STARD13: variants seen among roughly 807,000 people sequenced by gnomAD.
STARD13 encodes the protein stAR-related lipid transfer protein 13.
A neutral mutation model predicts 106.4 loss-of-function variants in STARD13; 62 were observed. That is an observed-to-expected ratio of 0.58 (90% CI 0.48 to 0.72). The LOEUF is 0.72. STARD13 is among the 30% of genes least tolerant of loss of function. The pLI, the probability that STARD13 is intolerant of heterozygous loss-of-function variation, is 0.00. For missense variants in STARD13, 1,387 were observed against 1,424.0 expected, an observed-to-expected ratio of 0.97 and a Z score of 0.42; for synonymous variants, 565 against 553.0, an observed-to-expected ratio of 1.02 and a Z score of -0.31.
intron 3 of STARD13, among the ~76,000 whole-genome samples, chr13:33,153,749 A>G (rs1205706738): frequency 6.6e-6 from 1 of 152,244 alleles, no homozygotes; most frequent in Non-Finnish European, 1.5e-5. Flanking sequence ...TGATACTTCT[A>G]ATATTCCTGC....
At chr13:33,197,416 T>TTGTGTGTGTGTGTGTGTG in intron 1 of STARD13, among the ~76,000 whole-genome samples, 1 of 148,026 alleles carries the variant, frequency 6.8e-6, no homozygotes, top group Non-Finnish European at 1.5e-5. Context: ...AGGAAGAGAG[T>TTGTGTGTGTGTGTGTGTG]TGTGTGTGTG....
chr13:33,338,728 C>G (rs557307928), intron 1 of STARD13, among the ~76,000 whole-genome samples: 1 of 151,618 alleles, frequency 6.6e-6, no homozygotes, highest in South Asian at 2.1e-4. Context: ...ACTAAAAATA[C>G]AAAAAATTAG....
intron 4 of STARD13, among the ~76,000 whole-genome samples, chr13:33,132,066 T>C (rs1224679187): frequency 6.6e-6 from 1 of 152,248 alleles, no homozygotes; most frequent in Non-Finnish European, 1.5e-5. Context: ...GTGGGGATCC[T>C]CCTATTCTTG....
At chr13:33,669,400 C>T in the STARD13 span, among the ~76,000 whole-genome samples, 1 of 152,142 alleles carries the variant, frequency 6.6e-6, no homozygotes, top group African/African-American at 2.4e-5. Flanking sequence ...CTTTCTCCAG[C>T]CTCTCATGCC....
intron 1 of STARD13, among the ~76,000 whole-genome samples, chr13:33,196,631 G>C (rs985845173): frequency 1.8e-4 from 28 of 152,262 alleles, no homozygotes; most frequent in Admixed American, 1.3e-4. Context: ...TCGATTGAGA[G>C]ACTGTGAGCT....
the STARD13 span, among the ~76,000 whole-genome samples, chr13:33,515,810 G>A: frequency 7.2e-5 from 11 of 152,146 alleles, no homozygotes; most frequent in Admixed American, 6.6e-4. Context: ...GCTGAAGGCT[G>A]TAGAGATGGG....
intron 1 of STARD13, among the ~76,000 whole-genome samples, chr13:33,306,313 T>C (rs1384090188): frequency 6.6e-6 from 1 of 152,198 alleles, no homozygotes; most frequent in Admixed American, 6.5e-5. Context: ...TTATATCTTA[T>C]ACAAAAATTA....
Position 33,129,890 on chromosome 13 carries a change from T to A in STARD13, c.787A>T (p.Met263Leu). Residue 263 changes from methionine (M) to leucine (L), a missense_variant, in exon 5 of 14, where the codon ATG (methionine) becomes TTG (leucine). Coordinates refer to ENST00000336934, the MANE Select transcript of STARD13 (RefSeq NM_178006.4). ...GCTCCCTTCCCTCGGAGTGTTTCCA[T>A]GCGTTTCAAAAATGATTTGGCCCTA... ...RARAKSFLKR[M>L]ETLRGKGAHG... 6.2e-7 allele frequency: 1 copy of A among 1,613,162 alleles called. No individual in the cohort carries two copies. The highest frequency in any genetic ancestry group is 8.5e-7 in the Non-Finnish European group (1 of 1,180,000).
chr13:33,399,626 G>A, the STARD13 span, among the ~76,000 whole-genome samples: 4 of 150,266 alleles, frequency 2.7e-5, no homozygotes, highest in African/African-American at 4.9e-5. Flanking sequence ...GCATGAACCC[G>A]GGAGGTGGAG....
intron 1 of STARD13, chr13:33,205,793 T>A: frequency 1.1e-6 from 1 of 950,534 alleles, no homozygotes. Flanking sequence ...CACCACGACC[T>A]CTTTTTCTAT....
the STARD13 span, among the ~76,000 whole-genome samples, chr13:33,385,255 A>ATATATATATC: frequency 7.4e-6 from 1 of 135,966 alleles, no homozygotes; most frequent in Non-Finnish European, 1.6e-5. Context: ...ATATATATAT[A>ATATATATATC]TATGTAGAAA....
At chr13:33,168,571 GCCTATTATCACA>G (rs1883589884) in intron 1 of STARD13, among the ~76,000 whole-genome samples, 1 of 152,178 alleles carries the variant, frequency 6.6e-6, no homozygotes, top group African/African-American at 2.4e-5. Flanking sequence ...AAATTAAACA[GCCTATTATCACA>G]AGTCTTTACC....
the STARD13 span, among the ~76,000 whole-genome samples, chr13:33,358,851 A>G: frequency 6.7e-6 from 1 of 149,692 alleles, no homozygotes; most frequent in Non-Finnish European, 1.5e-5. Flanking sequence ...TCAGCACCCT[A>G]TGTTTAGCTC....
intron 1 of STARD13, among the ~76,000 whole-genome samples, chr13:33,247,070 G>C (rs536528642): frequency 6.6e-6 from 1 of 152,118 alleles, no homozygotes; most frequent in Non-Finnish European, 1.5e-5. Flanking sequence ...GGTGACACAT[G>C]CCTGTAGTCC....
the STARD13 span, among the ~76,000 whole-genome samples, chr13:33,499,523 TTCTTCTTCTTCTTCTTCTTCTTCTTC>T: frequency 3.0e-4 from 15 of 50,404 alleles, 1 homozygote; most frequent in African/African-American, 1.0e-3. Context: ...TCTTTCTTTC[TTCTTCTTCTTCTTCTTCTTCTTCTTC>T]TTCTTCTTCT....
chr13:33,676,465 T>C, the STARD13 span, among the ~76,000 whole-genome samples: 1 of 152,234 alleles, frequency 6.6e-6, no homozygotes, highest in Non-Finnish European at 1.5e-5. Flanking sequence ...ACCGTTTCAT[T>C]ATGGAAGACA....
At chr13:33,385,217 GAATATATATATATATATATAT>G in the STARD13 span, among the ~76,000 whole-genome samples, 21 of 13,654 alleles carry the variant, frequency 1.5e-3, 1 homozygote, top group African/African-American at 3.7e-3. Flanking sequence ...GAAAGGTTCG[GAATATATATATATATATATAT>G]ATATATATAT....
chr13:33,501,260 T>C, the STARD13 span, among the ~76,000 whole-genome samples: 4 of 151,892 alleles, frequency 2.6e-5, no homozygotes, highest in African/African-American at 9.7e-5. Flanking sequence ...TATTTTTCTA[T>C]AAAAATAAAA....
chr13:33,347,336 A>G (rs1375188562), downstream of STARD13, among the ~76,000 whole-genome samples: 3 of 151,946 alleles, frequency 2.0e-5, no homozygotes, highest in Non-Finnish European at 4.4e-5. Context: ...CCTGGGTTCA[A>G]ATGATTCTCA....
Sources: gnomAD v4.1 joint callset for allele counts (sites outside exome capture counted in the v4.1 genomes callset) on GRCh38, gnomAD v4.1.1 for gene constraint, MANE v1.5 for transcripts, NCBI Gene and HGNC (gene_info 2026-07-23, HGNC 2026-07-21) for gene names.